SPNS2: variants seen among roughly 807,000 people sequenced by gnomAD.
The protein encoded by SPNS2 is SPNS lysolipid transporter 2, sphingosine-1-phosphate.
In SPNS2, 37 loss-of-function variants were observed where a neutral mutation model predicts 57.6. The observed-to-expected ratio is 0.64, with a 90% CI of 0.49 to 0.85. The LOEUF is 0.85. Ranked by LOEUF, SPNS2 falls within the 40% of genes least tolerant of loss-of-function variation. The pLI is 0.00. For synonymous variants in SPNS2, 440 were observed against 346.9 expected, an observed-to-expected ratio of 1.27 and a Z score of -2.98; for missense variants, 831 against 779.1, an observed-to-expected ratio of 1.07 and a Z score of -0.79.
At chr17:4,531,343 G>A (rs1905464876) in intron 5 of SPNS2, among the ~76,000 whole-genome samples, 1 of 152,232 alleles carries the variant, frequency 6.6e-6, no homozygotes, top group Non-Finnish European at 1.5e-5. Flanking sequence ...GCCGCCCTCG[G>A]GGCCCCCAGG....
chr17:4,511,192 G>A lies in SPNS2; in HGVS notation c.371-2055G>A, dbSNP rs932594829. Among the ~76,000 whole-genome samples, 9 of 152,202 alleles carry A rather than the reference G, an allele frequency of 5.9e-5. No individual in the cohort carries two copies. Among genetic ancestry groups the A allele is most frequent in the Admixed American group, 2.0e-4 (3 of 15,282 alleles). ...ATCCTGGTAGGCCCAGTGCTAAAAC[G>A]AGTTTGGACAGGGGAAGAGTGGGGG... On this transcript the variant is annotated intron_variant, in intron 1 of 12. Transcript: ENST00000329078. The surrounding 1 kb of genome is among the most constrained non-coding windows in gnomAD (Gnocchi z 4.6).
rs547232925 is a variant in SPNS2 at position 4,530,522 on chromosome 17, C to T, written c.574-110C>T. 7.6e-4 allele frequency: 1,016 copies of T among 1,343,670 alleles called. 21 individuals are homozygous for T. In the South Asian group the frequency reaches 0.011, roughly 14 times the overall value. The allele number at this position is 1,343,670 out of a possible 1,614,324, so 83.2% of individuals were successfully genotyped here. On this transcript the variant is annotated intron_variant, in intron 3 of 12. Coordinates refer to ENST00000329078, the MANE Select transcript of SPNS2 (RefSeq NM_001124758.3). ...GCAGCCCACCAGCACCCTCACCCTT[C>T]TCTCCCCTGGCTCCTGGGCCCTGCA...
chr17:4,537,449 C>G lies in SPNS2; in HGVS notation c.*5-4C>G, dbSNP rs1905912815. On this transcript the variant is annotated splice_polypyrimidine_tract_variant and splice_region_variant and intron_variant, in intron 12 of 12. Coordinates refer to ENST00000329078, the MANE Select transcript of SPNS2 (RefSeq NM_001124758.3). ...CACTGCTGACCTGACACCCCTTTCC[C>G]CAGGTGCCATTGGGACAATGAAGAA... The G allele has an allele frequency of 2.2e-6, 1 of 448,840 alleles. No homozygotes were observed. Among genetic ancestry groups the G allele is most frequent in the African/African-American group, 2.0e-5 (1 of 49,980 alleles). 27.8% of individuals were successfully genotyped at this position (448,840 alleles called of 1,614,324 possible). A position where few individuals can be genotyped will look rare whatever the true frequency, so the allele number is the denominator to read the frequency against.
intron 1 of SPNS2, among the ~76,000 whole-genome samples, chr17:4,509,590 G>A (rs568287458): frequency 4.1e-4 from 63 of 152,234 alleles, no homozygotes; most frequent in African/African-American, 1.2e-3. Context: ...CCAGGGAGAG[G>A]CTGAGTGCAC....
intron 2 of SPNS2, among the ~76,000 whole-genome samples, chr17:4,519,747 G>T (rs1662821327): frequency 5.9e-5 from 9 of 152,210 alleles, no homozygotes; most frequent in Admixed American, 5.9e-4. Context: ...GGCAGGGGAA[G>T]CTTCTAGCTT....
In SPNS2 at chr17:4,499,523, C is replaced by T. The variant is rs1219235246; in HGVS notation, c.370+106C>T. 5.9e-6 allele frequency: 4 copies of T among 679,840 alleles called. No individual in the cohort carries two copies. Among genetic ancestry groups the T allele is most frequent in the East Asian group, 3.4e-5 (1 of 29,042 alleles). 42.1% of individuals were successfully genotyped at this position (679,840 alleles called of 1,614,324 possible). A position where few individuals can be genotyped will look rare whatever the true frequency, so the allele number is the denominator to read the frequency against. On this transcript the variant is annotated intron_variant, in intron 1 of 12. Coordinates refer to ENST00000329078, the MANE Select transcript of SPNS2 (RefSeq NM_001124758.3). This position sits in a 1 kb window ranked among gnomAD's most constrained non-coding sequence, Gnocchi z 5.2. The stretch of plus-strand genomic sequence containing the variant: ...GCTTTTGGTCTCAGGCCTGCTATCT[C>T]CAGGCCCTACGTGAGGTCCCTACGG...
At chr17:4,530,969 G>C in intron 4 of SPNS2, 84 bp from the exon 5 acceptor site, 1 of 1,540,760 alleles carries the variant, frequency 6.5e-7, no homozygotes, top group Non-Finnish European at 8.8e-7. Context: ...GGGGAGGGTG[G>C]GCAGCCTGCC....
rs1486920015 is a variant in SPNS2 at position 4,530,702 on chromosome 17, C to T, written c.644C>T (p.Pro215Leu). ...IGEASYSTIA[P>L]TIIGDLFTKN... ...GAGGCCAGCTACTCCACCATCGCCC[C>T]CACTATCATTGGCGACCTCTTCACC... is the stretch of plus-strand genomic sequence containing the variant. Residue 215 changes from proline (P) to leucine (L), a missense_variant, in exon 4 of 13, where the codon CCC becomes CTC. Coordinates refer to ENST00000329078, the MANE Select transcript of SPNS2 (RefSeq NM_001124758.3). The T allele has an allele frequency of 6.2e-7, 1 of 1,613,988 alleles. No homozygotes were observed. The highest frequency in any genetic ancestry group is 1.3e-5 in the African/African-American group (1 of 74,916).
intron 11 of SPNS2, 46 bp downstream of exon 11, chr17:4,536,472 GGACC>G (rs1567598146): frequency 6.4e-7 from 1 of 1,569,170 alleles, no homozygotes; most frequent in Admixed American, 1.7e-5. Flanking sequence ...CGGGAAGCAG[GGACC>G]GTGATAGCCA....
rs544013470 is a variant in SPNS2 at position 4,512,462 on chromosome 17, G to A, written c.371-785G>A. ...GTGGTCCAGCTGCTGCCCCCACCCCGTGACGTGCAAAGCCCTAAAGTAGTT... is the reference window on the plus strand; with the variant it reads ...GTGGTCCAGCTGCTGCCCCCACCCCATGACGTGCAAAGCCCTAAAGTAGTT... On this transcript the variant is annotated intron_variant, in intron 1 of 12. Transcript: ENST00000329078. This position sits in a 1 kb window ranked among gnomAD's most constrained non-coding sequence, Gnocchi z 5.2. 9.2e-5 allele frequency among the ~76,000 whole-genome samples: 14 copies of A among 152,250 alleles called. No individual in the cohort carries two copies. Among genetic ancestry groups the A allele is most frequent in the African/African-American group, 2.6e-4 (11 of 41,548 alleles).
intron 2 of SPNS2, among the ~76,000 whole-genome samples, chr17:4,519,836 A>G (rs1905094731): frequency 6.6e-6 from 1 of 152,176 alleles, no homozygotes; most frequent in Non-Finnish European, 1.5e-5. Flanking sequence ...CACAGTCCAC[A>G]TGGGCAAGGC....
intron 2 of SPNS2, among the ~76,000 whole-genome samples, chr17:4,516,946 A>G (rs572504057): frequency 4.8e-4 from 73 of 152,336 alleles, no homozygotes; most frequent in African/African-American, 1.6e-3. Flanking sequence ...AAAAATTTTA[A>G]ACAGACATAA....
At chr17:4,535,471 C>T (rs1176877366) in intron 9 of SPNS2, among the ~76,000 whole-genome samples, 1 of 152,162 alleles carries the variant, frequency 6.6e-6, no homozygotes, top group African/African-American at 2.4e-5. Context: ...GAACATGTGC[C>T]TCTCTAGACC....
rs538885012 is a variant in SPNS2 at position 4,514,022 on chromosome 17, C to T, written c.436+710C>T. Among the ~76,000 whole-genome samples, 4 of 152,350 alleles carry T rather than the reference C, an allele frequency of 2.6e-5. No individual in the cohort carries two copies. In the South Asian group the frequency reaches 8.3e-4, roughly 32 times the overall value. ...CCAGCCCCTCCCTCCAGGGAGCGTGCCTCCCTTGTCCCTGCCTTCCCCATG... is the reference window on the plus strand; with the variant it reads ...CCAGCCCCTCCCTCCAGGGAGCGTGTCTCCCTTGTCCCTGCCTTCCCCATG... On this transcript the variant is annotated intron_variant, in intron 2 of 12. Coordinates refer to ENST00000329078, the MANE Select transcript of SPNS2 (RefSeq NM_001124758.3).
Position 4,533,496 on chromosome 17 carries a change from C to T in SPNS2, c.1278+64C>T, listed in dbSNP as rs976223432. 14 of 1,486,456 alleles carry T rather than the reference C, an allele frequency of 9.4e-6. No individual in the cohort carries two copies. The African/African-American group carries it at 1.9e-4, about 21-fold the overall frequency. The allele number at this position is 1,486,456 out of a possible 1,614,324, so 92.1% of individuals were successfully genotyped here. On this transcript the variant is annotated intron_variant, in intron 8 of 12. Coordinates refer to ENST00000329078, the MANE Select transcript of SPNS2 (RefSeq NM_001124758.3). ...GCCTGGGCCGCGGGAGGGTCTGGAA[C>T]AGGACATTCGGTCTGACTTACTGGA...
intron 2 of SPNS2, among the ~76,000 whole-genome samples, chr17:4,518,143 G>C (rs1905041876): frequency 6.6e-6 from 1 of 152,218 alleles, no homozygotes; most frequent in Admixed American, 6.5e-5. Flanking sequence ...GAGTGTGAAA[G>C]GCTTGAAGGC....
rs901184088 is a variant in SPNS2 at position 4,538,315 on chromosome 17, G to C, written c.*867G>C. On this transcript the variant is annotated 3_prime_UTR_variant, in exon 13 of 13. Transcript: ENST00000329078. ...CCTTTTCCAGGGGCAGGGCCCAGGAGACCATTCCCAGAATCCATGGGGCAG... is the reference window on the plus strand; with the variant it reads ...CCTTTTCCAGGGGCAGGGCCCAGGACACCATTCCCAGAATCCATGGGGCAG... The C allele has an allele frequency of 5.5e-6, 1 of 183,044 alleles. No homozygotes were observed. Among genetic ancestry groups the C allele is most frequent in the Non-Finnish European group, 1.1e-5 (1 of 87,186 alleles). The allele number at this position is 183,044 out of a possible 1,614,324, so 11.3% of individuals were successfully genotyped here. A position where few individuals can be genotyped will look rare whatever the true frequency, so the allele number is the denominator to read the frequency against.
rs554814182 is a variant in SPNS2 at position 4,535,972 on chromosome 17, T to C, written c.1345-104T>C. 47 of 887,188 alleles carry C rather than the reference T, an allele frequency of 5.3e-5. 3 individuals carry two copies. The African/African-American group carries it at 6.7e-4, about 13-fold the overall frequency. The allele number at this position is 887,188 out of a possible 1,614,324, so 55.0% of individuals were successfully genotyped here. On this transcript the variant is annotated intron_variant, in intron 9 of 12. Coordinates refer to ENST00000329078, the MANE Select transcript of SPNS2 (RefSeq NM_001124758.3). ...GAGGTGTCAAGACGTAGGGCAGGAG[T>C]GAGTCTGAGGGTGTGGGGGCTTCAG... is the stretch of plus-strand genomic sequence containing the variant.
Position 4,499,283 on chromosome 17 carries a change from G to T in SPNS2, c.236G>T (p.Gly79Val). The T allele has an allele frequency of 6.7e-7, 1 of 1,491,362 alleles. No homozygotes were observed. Among genetic ancestry groups the T allele is most frequent in the East Asian group, 2.8e-5 (1 of 35,272 alleles). The allele number at this position is 1,491,362 out of a possible 1,614,324, so 92.4% of individuals were successfully genotyped here. A position where few individuals can be genotyped will look rare whatever the true frequency, so the allele number is the denominator to read the frequency against. Residue 79 changes from glycine to valine, a missense_variant, in exon 1 of 13, where the codon GGC (glycine) becomes GTC (valine). Gly to Val is a moderately radical substitution (Grantham distance 109). Coordinates refer to ENST00000329078, the MANE Select transcript of SPNS2 (RefSeq NM_001124758.3). This position sits in a 1 kb window ranked among gnomAD's most constrained non-coding sequence, Gnocchi z 5.2. Reference protein sequence around the residue: ...TGPPGTPGTPGCAATAKGPGA... With the variant: ...TGPPGTPGTPVCAATAKGPGA... ...CCCCCCGGCACCCCCGGCACCCCCG[G>T]CTGCGCAGCTACTGCAAAGGGCCCC...
Sources: allele counts gnomAD v4.1 joint callset (sites outside exome capture counted in the v4.1 genomes callset), GRCh38; gene constraint gnomAD v4.1.1; non-coding constraint Gnocchi (gnomAD v3.1); transcripts MANE v1.5; gene names NCBI Gene and HGNC (gene_info 2026-07-23, HGNC 2026-07-21).